PABPC1L: variants seen among roughly 807,000 people sequenced by gnomAD.
The protein encoded by PABPC1L is polyadenylate-binding protein 1-like.
Under a neutral mutation model 66.6 loss-of-function variants are expected in PABPC1L, and 31 were observed. That is an observed-to-expected ratio of 0.47 (90% CI 0.35 to 0.63). PABPC1L has a LOEUF of 0.63. Ranked by LOEUF, PABPC1L falls within the 20% of genes least tolerant of loss-of-function variation. The pLI is 0.00. For synonymous variants in PABPC1L, 348 were observed against 335.1 expected (o/e 1.04, Z -0.42); for missense variants, 722 against 848.8 (o/e 0.85, Z 1.86).
intron 2 of PABPC1L, among the ~76,000 whole-genome samples, chr20:44,914,018 T>G (rs1198201816): frequency 1.3e-5 from 2 of 152,128 alleles, no homozygotes; most frequent in African/African-American, 4.8e-5. Flanking sequence ...TTTCTCTGAC[T>G]TTTTATATGA....
In PABPC1L at chr20:44,938,047, G is replaced by A. The variant is rs749326560; in HGVS notation, c.1661-14G>A. ...CTAGGCCGTGCACAAGCCATTAGAA[G>A]GTGTTCCACACAGGGGAGCGTCTCT... On this transcript the variant is annotated splice_polypyrimidine_tract_variant and intron_variant, in intron 12 of 14. Transcript: ENST00000217073. 4 of 1,613,956 alleles carry A rather than the reference G, an allele frequency of 2.5e-6. No individual in the cohort carries two copies. The East Asian group carries it at 6.7e-5, about 27-fold the overall frequency.
At chr20:44,923,777 A>G (rs76857620) in intron 6 of PABPC1L, among the ~76,000 whole-genome samples, 1,833 of 152,268 alleles carry the variant, frequency 0.012, 30 homozygotes, top group African/African-American at 0.039. Context: ...GTCATGGGCC[A>G]GCCAGGGAGG....
intron 12 of PABPC1L, 167 bp downstream of exon 12, chr20:44,936,897 C>T (rs931002882): frequency 4.2e-6 from 3 of 718,042 alleles, no homozygotes; most frequent in South Asian, 3.0e-5. Flanking sequence ...TCTCTAGGCA[C>T]CTGTTATCTT....
intron 10 of PABPC1L, among the ~76,000 whole-genome samples, chr20:44,934,861 A>G (rs2145582339): frequency 6.6e-6 from 1 of 152,282 alleles, no homozygotes; most frequent in Non-Finnish European, 1.5e-5. Context: ...TGAGGTCAGG[A>G]GTTCGAAACC....
In PABPC1L at chr20:44,935,400, G is replaced by A; in HGVS notation, c.1469G>A (p.Gly490Asp). 6.2e-7 allele frequency: 1 copy of A among 1,613,896 alleles called. No individual in the cohort carries two copies. The highest frequency in any genetic ancestry group is 1.1e-5 in the South Asian group (1 of 91,052). Residue 490 changes from glycine to aspartate, a missense_variant, in exon 11 of 15, where the codon GGT becomes GAT. Physicochemically the swap from Gly to Asp is moderately conservative, Grantham distance 94 (BLOSUM62 -1). This residue lies in a region of PABPC1L where 301 missense variants were observed against 337.2 expected (regional missense o/e 0.89). Transcript: ENST00000217073. ...VPHTQRVANI[G>D]TQTTGPSGVG... is the part of the protein sequence containing the mutation. ...TTGTTTTGTTTTGCAGCCAACATTG[G>A]TACTCAGACCACAGGACCCAGTGGG...
chr20:44,931,073 C>G (rs2066854207), intron 8 of PABPC1L, among the ~76,000 whole-genome samples: 1 of 74,300 alleles, frequency 1.3e-5, no homozygotes, highest in Non-Finnish European at 3.0e-5. Flanking sequence ...CCCTCCCTCC[C>G]TCCCTCCCTC....
At chr20:44,922,150 G>A (rs1243251221) in intron 6 of PABPC1L, among the ~76,000 whole-genome samples, 1 of 152,240 alleles carries the variant, frequency 6.6e-6, no homozygotes, top group Non-Finnish European at 1.5e-5. Context: ...ATGTTGGACA[G>A]CCTTTGAATT....
In PABPC1L at chr20:44,938,719, C is replaced by A; in HGVS notation, c.1837C>A (p.Gln613Lys). The change falls in exon 14 of 15, where the codon CAG becomes AAG. Residue 613 changes from glutamine (Q) to lysine (K), a missense_variant. Physicochemically the swap from Gln to Lys is moderately conservative, Grantham distance 53. This residue lies in a region of PABPC1L where 301 missense variants were observed against 337.2 expected (regional missense o/e 0.89). Coordinates refer to ENST00000217073, the MANE Select transcript of PABPC1L (RefSeq NM_001372179.1). ...AVLQAHQAME[Q>K]PKAYMH ...GCTGCAGGCACACCAGGCTATGGAG[C>A]AGCCGAAGGCGTACATGCACTGAAA... 6.2e-7 allele frequency: 1 copy of A among 1,612,002 alleles called. No homozygotes were observed. Among genetic ancestry groups the A allele is most frequent in the Non-Finnish European group, 8.5e-7 (1 of 1,179,240 alleles).
intron 7 of PABPC1L, among the ~76,000 whole-genome samples, chr20:44,927,594 C>G (rs2066818941): frequency 1.3e-5 from 2 of 152,158 alleles, no homozygotes; most frequent in South Asian, 4.1e-4. Context: ...GGTGATCCAC[C>G]TGCCTCAGCC....
At chr20:44,935,629 T>C in intron 11 of PABPC1L, 132 bp downstream of exon 11, 1 of 618,680 alleles carries the variant, frequency 1.6e-6, no homozygotes, top group Non-Finnish European at 2.8e-6. Context: ...ATGTGTACAA[T>C]CAATAAGAGA....
rs762986648 is a variant in PABPC1L, at chr20:44,924,271, C to T, written c.972+15C>T. On this transcript the variant is annotated intron_variant, in intron 7 of 14. Transcript: ENST00000217073. ...CCAGTGCGAAGGTGAGGACTGGGGG[C>T]ACCTCCGGGGGACAGCGTTCCCCTC... The T allele has an allele frequency of 7.6e-6, 12 of 1,582,596 alleles. 1 individual carries two copies. The South Asian group carries it at 1.3e-4, about 18-fold the overall frequency.
Position 44,930,681 on chromosome 20 carries a change from C to T in PABPC1L, c.1194C>T (p.Gly398=). ...TMRTLSNPLL[G]SFQQPSSYFL... ...GGACCCTGAGCAACCCCCTCCTGGGCTCCTTTCAGCAGCCCTCCAGCTACT... is the reference window on the plus strand; with the variant it reads ...GGACCCTGAGCAACCCCCTCCTGGGTTCCTTTCAGCAGCCCTCCAGCTACT... The change falls in exon 8 of 15, where the codon GGC becomes GGT. Residue 398 remains glycine, a synonymous_variant. Coordinates refer to ENST00000217073, the MANE Select transcript of PABPC1L (RefSeq NM_001372179.1). The T allele has an allele frequency of 6.2e-7, 1 of 1,614,138 alleles. No individual in the cohort carries two copies. The highest frequency in any genetic ancestry group is 1.6e-4 in the Middle Eastern group (1 of 6,062).
At chr20:44,923,808 G>A (rs2066790565) in intron 6 of PABPC1L, among the ~76,000 whole-genome samples, 2 of 152,104 alleles carry the variant, frequency 1.3e-5, no homozygotes, top group South Asian at 2.1e-4. Context: ...CCTGCTGCCC[G>A]ACATCCACCA....
At chr20:44,932,473 G>T (rs371094566) in intron 9 of PABPC1L, 41 bp downstream of exon 9, 3 of 1,546,692 alleles carry the variant, frequency 1.9e-6, no homozygotes, top group Non-Finnish European at 2.7e-6. Context: ...CTGGCCTATT[G>T]GTGTGGGCCC....
chr20:44,921,512 G>A, intron 5 of PABPC1L, 82 bp from the exon 6 acceptor site: 1 of 1,553,660 alleles, frequency 6.4e-7, no homozygotes, highest in Non-Finnish European at 8.7e-7. Context: ...TTTGCAGGTG[G>A]CCCCTCTAGA....
At position 44,924,174 on chromosome 20, in the gene PABPC1L, A is replaced by G. The variant is rs752854668; in HGVS notation, c.890A>G (p.Tyr297Cys). The G allele has an allele frequency of 6.2e-7, 1 of 1,613,624 alleles. No homozygotes were observed. Among genetic ancestry groups the G allele is most frequent in the Non-Finnish European group, 8.5e-7 (1 of 1,179,562 alleles). Residue 297 changes from tyrosine (Y) to cysteine (C), a missense_variant, in exon 7 of 15, where the codon TAT (tyrosine) becomes TGT (cysteine). By Grantham distance (194) the Tyr-to-Cys change is radical. Transcript: ENST00000217073. ...CTTCCATCCCAGGGTGTGAACTTGT[A>G]TGTGAAGAATCTGGACGACTCCATT... is the stretch of plus-strand genomic sequence containing the variant. ...RLRRYQGVNL[Y>C]VKNLDDSIDD...
intron 1 of PABPC1L, among the ~76,000 whole-genome samples, chr20:44,911,206 G>T (rs1372518660): frequency 6.6e-6 from 1 of 152,190 alleles, no homozygotes; most frequent in African/African-American, 2.4e-5. Flanking sequence ...GCTCACGCCT[G>T]TAATCCCAGC....
In PABPC1L at chr20:44,935,397, T is replaced by G. The variant is rs2066893639; in HGVS notation, c.1466T>G (p.Ile489Ser). The G allele has an allele frequency of 3.1e-6, 5 of 1,613,878 alleles. No homozygotes were observed. Among genetic ancestry groups the G allele is most frequent in the Non-Finnish European group, 4.2e-6 (5 of 1,179,748 alleles). The change falls in exon 11 of 15, where the codon ATT (isoleucine) becomes AGT (serine). Residue 489 changes from isoleucine to serine, a missense_variant. Ile to Ser is a moderately radical substitution (Grantham distance 142). This residue lies in a region of PABPC1L where 301 missense variants were observed against 337.2 expected (regional missense o/e 0.89). Coordinates refer to ENST00000217073, the MANE Select transcript of PABPC1L (RefSeq NM_001372179.1). The stretch of plus-strand genomic sequence containing the variant: ...GTTTTGTTTTGTTTTGCAGCCAACA[T>G]TGGTACTCAGACCACAGGACCCAGT... The part of the protein sequence containing the change: ...TVPHTQRVAN[I>S]GTQTTGPSGV...
At chr20:44,922,829 G>A (rs550388406) in intron 6 of PABPC1L, among the ~76,000 whole-genome samples, 5 of 152,184 alleles carry the variant, frequency 3.3e-5, no homozygotes, top group South Asian at 2.1e-4. Flanking sequence ...TTTCATTGTC[G>A]TGTGGGTGGT....
Sources: gnomAD v4.1 joint callset for allele counts (sites outside exome capture counted in the v4.1 genomes callset) on GRCh38, gnomAD v4.1.1 for gene constraint, gnomAD v4.1.1 regional missense constraint, MANE v1.5 for transcripts, NCBI Gene and HGNC (gene_info 2026-07-23, HGNC 2026-07-21) for gene names.